The following SPEN variants were observed in gnomAD, a reference collection of about 807,000 sequenced individuals.
SPEN encodes spen family transcriptional repressor, also known as msx2-interacting protein.
Under a neutral mutation model 269.9 loss-of-function variants are expected in SPEN, and 18 were observed. The observed-to-expected ratio is 0.07, with a 90% CI of 0.05 to 0.10. The LOEUF is 0.10. Ranked by LOEUF, SPEN falls within the 10% of genes least tolerant of loss-of-function variation. The pLI is 1.00. For missense variants in SPEN, 3,822 were observed against 4,631.2 expected, an observed-to-expected ratio of 0.83 and a Z score of 5.07; for synonymous variants, 1,726 against 1,765.7, an observed-to-expected ratio of 0.98 and a Z score of 0.56.
At chr1:15,906,776 T>G (rs980057387) in intron 3 of SPEN, among the ~76,000 whole-genome samples, 3 of 139,450 alleles carry the variant, frequency 2.2e-5, no homozygotes, top group Admixed American at 7.1e-5. Context: ...TTTTCATCTT[T>G]TTTTTTTTTT....
At chr1:15,866,159 T>G (rs190752454) in intron 1 of SPEN, among the ~76,000 whole-genome samples, 6 of 152,246 alleles carry the variant, frequency 3.9e-5, no homozygotes, top group Admixed American at 3.9e-4. Flanking sequence ...CCTTCCCTCC[T>G]CCCATCCCTC....
intron 5 of SPEN, among the ~76,000 whole-genome samples, chr1:15,911,625 G>A (rs960473614): frequency 1.3e-5 from 2 of 152,184 alleles, no homozygotes; most frequent in East Asian, 1.9e-4. Context: ...CTAGGAGGTA[G>A]CTCCTAGGAG....
chr1:15,909,745 T>C (rs1418142483), intron 4 of SPEN, among the ~76,000 whole-genome samples: 1 of 152,130 alleles, frequency 6.6e-6, no homozygotes, highest in Admixed American at 6.6e-5. Context: ...TGTAAACAAG[T>C]TAAAACTATT....
At position 15,899,550 on chromosome 1, in the gene SPEN, T is replaced by G. The variant is rs905823204; in HGVS notation, c.882-9771T>G. Reference sequence around the variant, plus strand: ...TCATGTGGCAGAGTTTTTTTTTTTTTTTTTTTTTTTTTTAAGATCCTGTGT... The same window carrying G: ...TCATGTGGCAGAGTTTTTTTTTTTTGTTTTTTTTTTTTTAAGATCCTGTGT... On this transcript the variant is annotated intron_variant, in intron 3 of 14. Coordinates refer to ENST00000375759, the MANE Select transcript of SPEN (RefSeq NM_015001.3). Among the ~76,000 whole-genome samples, 10 of 148,780 alleles carry G rather than the reference T, an allele frequency of 6.7e-5. No homozygotes were observed. The East Asian group carries it at 2.0e-3, about 29-fold the overall frequency.
chr1:15,889,774 C>T (rs185902488), intron 3 of SPEN, among the ~76,000 whole-genome samples: 17 of 152,146 alleles, frequency 1.1e-4, no homozygotes, highest in Admixed American at 7.2e-4. Flanking sequence ...AGAGCAATGG[C>T]GCCATCTTGG....
At position 15,928,402 on chromosome 1, in the gene SPEN, C is replaced by T. The variant is rs777199627; in HGVS notation, c.2162C>T (p.Pro721Leu). 8 of 1,613,878 alleles carry T rather than the reference C, an allele frequency of 5.0e-6. No individual in the cohort carries two copies. The highest frequency in any genetic ancestry group is 1.7e-5 in the Admixed American group (1 of 59,982). The change falls in exon 11 of 15, where the codon CCG becomes CTG. Residue 721 changes from proline (P) to leucine (L), a missense_variant. Coordinates refer to ENST00000375759, the MANE Select transcript of SPEN (RefSeq NM_015001.3). This position sits in a 1 kb window ranked among gnomAD's most constrained non-coding sequence, Gnocchi z 5.7. ...CGGGACAGAGACCATGAGAGGAGGC[C>T]GATTGAACGAAGTCAAAGTCCTGTT... is the stretch of plus-strand genomic sequence containing the variant. ...SDRDRDHERR[P>L]IERSQSPVHL...
intron 3 of SPEN, among the ~76,000 whole-genome samples, chr1:15,894,536 G>GTTTTTTTTTTT (rs766111268): frequency 2.5e-4 from 25 of 100,408 alleles, no homozygotes; most frequent in African/African-American, 9.6e-4. Context: ...TATTATGGTT[G>GTTTTTTTTTTT]TTTTTTTTTT....
intron 1 of SPEN, among the ~76,000 whole-genome samples, chr1:15,868,942 C>T (rs1199984471): frequency 1.3e-5 from 2 of 152,178 alleles, no homozygotes; most frequent in Non-Finnish European, 2.9e-5. Flanking sequence ...TTTCAAGTTA[C>T]ATGCTACATT....
At chr1:15,860,442 A>AGTGTGTGTGT (rs71574142) in intron 1 of SPEN, among the ~76,000 whole-genome samples, 46 of 120,094 alleles carry the variant, frequency 3.8e-4, no homozygotes, top group African/African-American at 1.2e-3. Flanking sequence ...GTCCCACTGT[A>AGTGTGTGTGT]GTGTGTGTGT....
rs758694229 is a variant in SPEN at position 15,886,636 on chromosome 1, C to A, written c.881+9958C>A. Reference sequence around the variant, plus strand: ...CAAACTCTATTTTTAATACATCTTTCTGTTATTAACCCTTGCTTTAATGGT... The same window carrying A: ...CAAACTCTATTTTTAATACATCTTTATGTTATTAACCCTTGCTTTAATGGT... On this transcript the variant is annotated intron_variant, in intron 3 of 14. Transcript: ENST00000375759. Among the ~76,000 whole-genome samples, 13 of 152,314 alleles carry A rather than the reference C, an allele frequency of 8.5e-5. No homozygotes were observed. In the East Asian group the frequency reaches 1.2e-3, roughly 14 times the overall value.
Position 15,937,405 on chromosome 1 carries a change from A to G in SPEN, c.10269A>G (p.Gln3423=), listed in dbSNP as rs968432274. 17 of 1,613,676 alleles carry G rather than the reference A, an allele frequency of 1.1e-5. No individual in the cohort carries two copies. Among genetic ancestry groups the G allele is most frequent in the Non-Finnish European group, 1.4e-5 (16 of 1,180,012 alleles). Residue 3423 remains glutamine (Q), a synonymous_variant, in exon 12 of 15, where the codon CAA becomes CAG. Coordinates refer to ENST00000375759, the MANE Select transcript of SPEN (RefSeq NM_015001.3). The surrounding 1 kb of genome is among the most constrained non-coding windows in gnomAD (Gnocchi z 5.7). ...CTCACACCCAGGTTCAGAGGGCACA[A>G]GCAGAAACAGGCCCGACTTCCTTCC... ...PEPHTQVQRA[Q]AETGPTSFPS... is the part of the protein sequence containing the mutation.
chr1:15,854,004 T>C (rs1338738421), intron 1 of SPEN, among the ~76,000 whole-genome samples: 2 of 152,078 alleles, frequency 1.3e-5, no homozygotes, highest in Non-Finnish European at 2.9e-5. Flanking sequence ...TTTCACCATG[T>C]TGGCCAGGCT....
intron 1 of SPEN, among the ~76,000 whole-genome samples, chr1:15,860,648 GC>G: frequency 6.6e-6 from 1 of 151,720 alleles, no homozygotes; most frequent in Middle Eastern, 3.4e-3. Context: ...CTGTCTCCAG[GC>G]TGGAGTGCAG....
intron 5 of SPEN, among the ~76,000 whole-genome samples, chr1:15,915,366 G>A (rs2071048543): frequency 6.6e-6 from 1 of 152,088 alleles, no homozygotes; most frequent in African/African-American, 2.4e-5. Context: ...GCATGCACTG[G>A]TGGTCCCAGC....
chr1:15,922,447 A>G (rs757897968), intron 10 of SPEN, 98 bp downstream of exon 10: 26 of 728,802 alleles, frequency 3.6e-5, no homozygotes, highest in Non-Finnish European at 5.8e-5. Context: ...CTTTACCCCT[A>G]CTTTCATCTT....
Position 15,928,688 on chromosome 1 carries a change from G to A in SPEN, c.2448G>A (p.Lys816=). The A allele has an allele frequency of 6.2e-7, 1 of 1,613,916 alleles. No homozygotes were observed. Among genetic ancestry groups the A allele is most frequent in the Non-Finnish European group, 8.5e-7 (1 of 1,180,016 alleles). The change falls in exon 11 of 15, where the codon AAG becomes AAA. Residue 816 remains lysine, a synonymous_variant. Transcript: ENST00000375759. This position sits in a 1 kb window ranked among gnomAD's most constrained non-coding sequence, Gnocchi z 5.7. ...TAATACGGAAGGAAAAAGTGGAAAA[G>A]GACAAAACTGACAAGCAGAAACGCA... The part of the protein sequence containing the change: ...RRLIRKEKVE[K]DKTDKQKRKG...
Position 15,934,514 on chromosome 1 carries a change from C to A in SPEN, c.8274C>A (p.Gly2758=). Residue 2758 remains glycine, a synonymous_variant, in exon 11 of 15, where the codon GGC becomes GGA. Transcript: ENST00000375759. This position sits in a 1 kb window ranked among gnomAD's most constrained non-coding sequence, Gnocchi z 9.2. ...AASGGVTATT[G]TVTMAGAVIA... ...CTGGTGGTGTAACGGCCACAACAGG[C>A]ACGGTGACAATGGCAGGGGCAGTGA... is the stretch of plus-strand genomic sequence containing the variant. 1.2e-6 allele frequency: 2 copies of A among 1,614,078 alleles called. No individual in the cohort carries two copies. The highest frequency in any genetic ancestry group is 1.7e-6 in the Non-Finnish European group (2 of 1,180,040).
At chr1:15,896,993 T>C (rs1008976618) in intron 3 of SPEN, among the ~76,000 whole-genome samples, 1 of 152,048 alleles carries the variant, frequency 6.6e-6, no homozygotes, top group African/African-American at 2.4e-5. Context: ...TTAGTGTTGG[T>C]GGTTGGTTAT....
chr1:15,922,437 C>A, intron 10 of SPEN, 88 bp downstream of exon 10: 1 of 813,096 alleles, frequency 1.2e-6, no homozygotes, highest in South Asian at 1.7e-5. Flanking sequence ...ATTTTTCACT[C>A]TTTACCCCTA....
Sources: allele counts gnomAD v4.1 joint callset (sites outside exome capture counted in the v4.1 genomes callset), GRCh38; gene constraint gnomAD v4.1.1; non-coding constraint Gnocchi (gnomAD v3.1); transcripts MANE v1.5; gene names NCBI Gene and HGNC (gene_info 2026-07-23, HGNC 2026-07-21).